Variants in TEAD4 observed in about 807,000 individuals in gnomAD.
The protein encoded by TEAD4 is TEA domain transcription factor 4.
TEAD4 carries 36 observed loss-of-function variants against 52.4 expected under a neutral mutation model. That is an observed-to-expected ratio of 0.69 (90% confidence interval 0.53 to 0.91). The LOEUF is 0.91. Among genes scored for constraint, TEAD4 ranks in the 40% least tolerant of loss-of-function variants. TEAD4 has a pLI of 0.00. For synonymous variants in TEAD4, 220 were observed against 231.0 expected, an observed-to-expected ratio of 0.95 and a Z score of 0.43; for missense variants, 508 against 583.9, an observed-to-expected ratio of 0.87 and a Z score of 1.34.
chr12:2,999,463 T>C (rs982911345), intron 3 of TEAD4, among the ~76,000 whole-genome samples: 1 of 152,170 alleles, frequency 6.6e-6, no homozygotes, highest in East Asian at 1.9e-4. Context: ...ACATCCAGCA[T>C]AGGACACGCT....
intron 3 of TEAD4, 133 bp from the exon 4 acceptor site, chr12:3,010,871 C>T: frequency 1.1e-6 from 1 of 933,430 alleles, no homozygotes; most frequent in Non-Finnish European, 1.7e-6. Flanking sequence ...CCACAGAATC[C>T]TCACCCCACA....
rs2098213839 is a variant in TEAD4 at position 2,959,875 on chromosome 12, C to T, written c.-122-73C>T. ...CGGGGTGGGCTTGGCCCCGCGGCCC[C>T]GCCTTCACTGCGCCGCCCGTCGGCC... On this transcript the variant is annotated intron_variant, in intron 1 of 12. Coordinates refer to ENST00000359864, the MANE Select transcript of TEAD4 (RefSeq NM_003213.4). This position sits in a 1 kb window ranked among gnomAD's most constrained non-coding sequence, Gnocchi z 5.1. 1 of 151,728 alleles carries T rather than the reference C, an allele frequency of 6.6e-6. No homozygotes were observed. The allele number at this position is 151,728 out of a possible 1,614,324, so 9.4% of individuals were successfully genotyped here. A position where few individuals can be genotyped will look rare whatever the true frequency, so the allele number is the denominator to read the frequency against.
chr12:2,966,128 T>C (rs1270482015), intron 2 of TEAD4, among the ~76,000 whole-genome samples: 1 of 152,150 alleles, frequency 6.6e-6, no homozygotes, highest in Non-Finnish European at 1.5e-5. Flanking sequence ...AGAAAACAAC[T>C]CTAACTTGGG....
At chr12:2,987,164 G>A (rs2098239191) in intron 2 of TEAD4, among the ~76,000 whole-genome samples, 1 of 152,186 alleles carries the variant, frequency 6.6e-6, no homozygotes, top group South Asian at 2.1e-4. Flanking sequence ...TTCACCTCAG[G>A]AAAGATACAC....
intron 10 of TEAD4, among the ~76,000 whole-genome samples, chr12:3,033,757 G>A (rs2098277454): frequency 6.6e-6 from 1 of 152,206 alleles, no homozygotes; most frequent in South Asian, 2.1e-4. Flanking sequence ...GGGTTGCAAG[G>A]GGGCACTCAC....
intron 2 of TEAD4, among the ~76,000 whole-genome samples, chr12:2,973,569 TG>T (rs2098226987): frequency 6.6e-6 from 1 of 151,788 alleles, no homozygotes; most frequent in Non-Finnish European, 1.5e-5. Flanking sequence ...GAATGAGGAG[TG>T]GGGTACACCT....
At chr12:2,972,614 C>T (rs1384503786) in intron 2 of TEAD4, among the ~76,000 whole-genome samples, 1 of 150,740 alleles carries the variant, frequency 6.6e-6, no homozygotes, top group South Asian at 2.1e-4. Flanking sequence ...ATTCTCCTGC[C>T]TCAGCCTCCC....
intron 10 of TEAD4, among the ~76,000 whole-genome samples, chr12:3,032,735 GAAATCAGAGA>G (rs201338043): frequency 0.72 from 108,825 of 150,360 alleles, 44,328 homozygotes; most frequent in East Asian, 0.94. Context: ...CTGGGCAGGT[GAAATCAGAGA>G]TGAGGGAGCG....
At chr12:3,002,665 G>A (rs1015893558) in intron 3 of TEAD4, among the ~76,000 whole-genome samples, 2 of 152,230 alleles carry the variant, frequency 1.3e-5, no homozygotes, top group Non-Finnish European at 2.9e-5. Flanking sequence ...GTTGTCGTAG[G>A]GATGAGAGCA....
intron 2 of TEAD4, among the ~76,000 whole-genome samples, chr12:2,977,294 CTCTCTT>C (rs2098230556): frequency 6.6e-6 from 1 of 152,156 alleles, no homozygotes; most frequent in Admixed American, 6.6e-5. Flanking sequence ...GCGTCTCTCT[CTCTCTT>C]TCTCTTTCTC....
intron 2 of TEAD4, among the ~76,000 whole-genome samples, chr12:2,973,973 C>T (rs1311320065): frequency 6.6e-6 from 1 of 152,100 alleles, no homozygotes; most frequent in Admixed American, 6.6e-5. Flanking sequence ...TAACCTCAGC[C>T]TAGGGTCTGA....
chr12:2,981,184 C>T (rs1285134877), intron 2 of TEAD4, among the ~76,000 whole-genome samples: 1 of 152,198 alleles, frequency 6.6e-6, no homozygotes, highest in African/African-American at 2.4e-5. Context: ...GACACTCAGC[C>T]CTCCCACAAG....
At chr12:3,037,852 C>T (rs1426110645) in intron 10 of TEAD4, 116 bp from the exon 11 acceptor site, 2 of 1,280,290 alleles carry the variant, frequency 1.6e-6, no homozygotes, top group Admixed American at 5.3e-5. Flanking sequence ...TGTCTACCCT[C>T]AGTCTGATTT....
At chr12:2,996,911 C>G (rs2153955556) in intron 3 of TEAD4, among the ~76,000 whole-genome samples, 1 of 152,280 alleles carries the variant, frequency 6.6e-6, no homozygotes, top group East Asian at 1.9e-4. Flanking sequence ...CCATGCCCGG[C>G]CTTGCATCTG....
Position 3,021,996 on chromosome 12 carries a change from C to T in TEAD4, c.876C>T (p.Ala292=). The stretch of plus-strand genomic sequence containing the variant: ...TCTTCGAACGGGGACCCTCCAATGC[C>T]TTTTTTCTTGTGAAGTTCTGGGTAA... Residue 292 remains alanine, a synonymous_variant, in exon 10 of 13, where the codon GCC becomes GCT. Coordinates refer to ENST00000359864, the MANE Select transcript of TEAD4 (RefSeq NM_003213.4). 6.2e-7 allele frequency: 1 copy of T among 1,614,182 alleles called. No homozygotes were observed.
chr12:3,005,905 T>C (rs2098255561), intron 3 of TEAD4, among the ~76,000 whole-genome samples: 1 of 152,206 alleles, frequency 6.6e-6, no homozygotes, highest in Non-Finnish European at 1.5e-5. Flanking sequence ...CCCAAAGTGC[T>C]GGGGTTATAG....
At chr12:3,020,197 CAT>C (rs2153957371) in intron 8 of TEAD4, among the ~76,000 whole-genome samples, 1 of 152,310 alleles carries the variant, frequency 6.6e-6, no homozygotes, top group African/African-American at 2.4e-5. Flanking sequence ...GGGGGAGACA[CAT>C]GTGATGCAAA....
At chr12:3,009,865 G>A (rs766935517) in intron 3 of TEAD4, among the ~76,000 whole-genome samples, 3 of 152,156 alleles carry the variant, frequency 2.0e-5, no homozygotes, top group Non-Finnish European at 4.4e-5. Context: ...CTCGTAATTC[G>A]GCCTTGGCAT....
chr12:2,980,734 A>G (rs1041024931), intron 2 of TEAD4, among the ~76,000 whole-genome samples: 102 of 151,628 alleles, frequency 6.7e-4, no homozygotes, highest in African/African-American at 2.4e-3. Context: ...CTCTGTCTCA[A>G]TTAAAAAAAA....
Sources: allele counts gnomAD v4.1 joint callset (sites outside exome capture counted in the v4.1 genomes callset), GRCh38; gene constraint gnomAD v4.1.1; non-coding constraint Gnocchi (gnomAD v3.1); transcripts MANE v1.5; gene names NCBI Gene and HGNC (gene_info 2026-07-23, HGNC 2026-07-21).